EXTL3: variants seen among roughly 807,000 people sequenced by gnomAD.
EXTL3 encodes the protein exostosin like glycosyltransferase 3.
A neutral mutation model predicts 69.3 loss-of-function variants in EXTL3; 27 were observed. The observed-to-expected ratio is 0.39, with a 90% CI of 0.29 to 0.54. EXTL3 has a LOEUF of 0.54. Among genes scored for constraint, EXTL3 ranks in the 20% least tolerant of loss-of-function variants. EXTL3 has a pLI of 0.69. For missense variants in EXTL3, 1,003 were observed against 1,231.8 expected (o/e 0.81, Z 2.78); for synonymous variants, 511 against 499.4 (o/e 1.02, Z -0.31).
intron 1 of EXTL3, among the ~76,000 whole-genome samples, chr8:28,709,879 T>G (rs1439879707): frequency 2.0e-5 from 3 of 152,156 alleles, no homozygotes; most frequent in Admixed American, 6.5e-5. Context: ...TGCACAGTTC[T>G]GGATTGGAAC....
chr8:28,723,970 T>C (rs1006169099), intron 3 of EXTL3, among the ~76,000 whole-genome samples: 3 of 149,994 alleles, frequency 2.0e-5, no homozygotes, highest in Non-Finnish European at 4.4e-5. Context: ...AATAGATATG[T>C]ATTTTTTTTC....
intron 1 of EXTL3, among the ~76,000 whole-genome samples, chr8:28,712,761 C>T (rs1409066034): frequency 6.6e-6 from 1 of 152,182 alleles, no homozygotes; most frequent in Non-Finnish European, 1.5e-5. Context: ...TCTTTTGAAT[C>T]ATTGTTGAAT....
intron 1 of EXTL3, among the ~76,000 whole-genome samples, chr8:28,634,198 A>G (rs907499757): frequency 6.6e-6 from 1 of 152,162 alleles, no homozygotes; most frequent in Non-Finnish European, 1.5e-5. Context: ...GTGTTTTAGC[A>G]AAAATTCTCT....
chr8:28,729,016 C>T (rs748224189), intron 3 of EXTL3, among the ~76,000 whole-genome samples: 1 of 152,048 alleles, frequency 6.6e-6, no homozygotes, highest in Non-Finnish European at 1.5e-5. Flanking sequence ...CATTTTCAGG[C>T]CAGGTGTGGT....
chr8:28,684,473 T>C (rs1431166261), intron 1 of EXTL3, among the ~76,000 whole-genome samples: 1 of 152,188 alleles, frequency 6.6e-6, no homozygotes, highest in Non-Finnish European at 1.5e-5. Context: ...CGATGCATGA[T>C]GGCTCACCCT....
At position 28,716,094 on chromosome 8, in the gene EXTL3, C is replaced by T. The variant is rs560537560; in HGVS notation, c.35C>T (p.Ala12Val). The T allele has an allele frequency of 4.3e-6, 7 of 1,611,596 alleles. No individual in the cohort carries two copies. Among genetic ancestry groups the T allele is most frequent in the South Asian group, 2.2e-5 (2 of 91,070 alleles). Residue 12 changes from alanine to valine, a missense_variant, in exon 3 of 7, where the codon GCG (alanine) becomes GTG (valine). Ala to Val is a moderately conservative substitution (Grantham distance 64). This residue lies in a region of EXTL3 where 742 missense variants were observed against 815.4 expected (regional missense o/e 0.91). Coordinates refer to ENST00000220562, the MANE Select transcript of EXTL3 (RefSeq NM_001440.4). The surrounding 1 kb of genome is among the most constrained non-coding windows in gnomAD (Gnocchi z 7.1). ...TGYTMLRNGG[A>V]GNGGQTCMLR... Reference sequence around the variant, plus strand: ...TATACCATGCTGCGGAATGGGGGCGCGGGGAACGGAGGTCAGACCTGCATG... The same window carrying T: ...TATACCATGCTGCGGAATGGGGGCGTGGGGAACGGAGGTCAGACCTGCATG...
At chr8:28,697,411 C>T (rs1800701066), upstream of EXTL3, 1 of 152,232 alleles carries the variant, frequency 6.6e-6, no homozygotes, top group Non-Finnish European at 1.5e-5. Flanking sequence ...GCTGAAAGGA[C>T]AGTGGATGCT....
rs1807348525 is a variant in EXTL3 at position 28,674,522 on chromosome 8, G to A, written c.-52-38935G>A. Among the ~76,000 whole-genome samples, 3 of 152,230 alleles carry A rather than the reference G, an allele frequency of 2.0e-5. No individual in the cohort carries two copies. In the South Asian group the frequency reaches 6.2e-4, roughly 31 times the overall value. ...ACAAAAATGACCTAGGAACTTTTATGTGTGCCCTGAGGGAGACCTTTATTT... is the reference window on the plus strand; with the variant it reads ...ACAAAAATGACCTAGGAACTTTTATATGTGCCCTGAGGGAGACCTTTATTT... On this transcript the variant is annotated intron_variant, in intron 1 of 6. Coordinates refer to the EXTL3 transcript ENST00000523149.
chr8:28,625,748 G>A (rs760446273), intron 1 of EXTL3, among the ~76,000 whole-genome samples: 35 of 152,044 alleles, frequency 2.3e-4, no homozygotes, highest in Non-Finnish European at 4.4e-4. Context: ...ATGTCTGCTC[G>A]TAGTGCTATC....
intron 1 of EXTL3, among the ~76,000 whole-genome samples, chr8:28,625,658 A>G (rs2130550390): frequency 6.6e-6 from 1 of 152,320 alleles, no homozygotes; most frequent in East Asian, 1.9e-4. Context: ...GAAGATAAAT[A>G]GTTTAACATC....
chr8:28,720,874 A>C (rs1801279776), intron 3 of EXTL3, among the ~76,000 whole-genome samples: 1 of 152,232 alleles, frequency 6.6e-6, no homozygotes, highest in African/African-American at 2.4e-5. Flanking sequence ...AATGAAAGCC[A>C]ACTAGAGAGT....
At chr8:28,673,599 A>G (rs973382315) in intron 1 of EXTL3, among the ~76,000 whole-genome samples, 12 of 152,280 alleles carry the variant, frequency 7.9e-5, no homozygotes, top group African/African-American at 2.6e-4. Context: ...AAGGCTGGTC[A>G]TGGGACTTAC....
At chr8:28,696,625 T>C (rs1002367229), upstream of EXTL3, 11 of 151,940 alleles carry the variant, frequency 7.2e-5, no homozygotes, top group African/African-American at 2.7e-4. Flanking sequence ...AGTGGTGTGA[T>C]CTCGGCTCAC....
chr8:28,724,785 G>A (rs1801375655), intron 3 of EXTL3, among the ~76,000 whole-genome samples: 1 of 152,074 alleles, frequency 6.6e-6, no homozygotes, highest in Admixed American at 6.6e-5. Flanking sequence ...GGGTGACAGG[G>A]CAAGACTCCA....
At chr8:28,719,470 G>C (rs558065123) in intron 3 of EXTL3, among the ~76,000 whole-genome samples, 1 of 152,276 alleles carries the variant, frequency 6.6e-6, no homozygotes, top group Non-Finnish European at 1.5e-5. Flanking sequence ...ATTTCTGTTT[G>C]TGTCATAGTT....
intron 1 of EXTL3, among the ~76,000 whole-genome samples, chr8:28,641,948 G>A (rs975784507): frequency 1.2e-4 from 18 of 152,080 alleles, no homozygotes; most frequent in African/African-American, 3.9e-4. Flanking sequence ...CCATTCTCCT[G>A]CCTCAGCCTC....
Position 28,743,119 on chromosome 8 carries a change from C to G in EXTL3, c.2455C>G (p.Gln819Glu). The G allele has an allele frequency of 6.2e-7, 1 of 1,614,144 alleles. No individual in the cohort carries two copies. The highest frequency in any genetic ancestry group is 1.1e-5 in the South Asian group (1 of 91,080). Reference protein sequence around the residue: ...YAYLYSYVMPQAIRDMVDEYI... With the variant: ...YAYLYSYVMPEAIRDMVDEYI... ...CTACCTGTATTCTTATGTGATGCCC[C>G]AGGCCATCCGGGACATGGTGGATGA... is the stretch of plus-strand genomic sequence containing the variant. The change falls in exon 6 of 7, where the codon CAG becomes GAG. Residue 819 changes from glutamine to glutamate, a missense_variant. Physicochemically the swap from Gln to Glu is conservative, Grantham distance 29. Coordinates refer to ENST00000220562, the MANE Select transcript of EXTL3 (RefSeq NM_001440.4).
intron 1 of EXTL3, chr8:28,710,613 C>CTTTTTTTTT (rs11446791): frequency 2.9e-5 from 8 of 272,850 alleles, no homozygotes; most frequent in Admixed American, 5.3e-5. Context: ...TTCTTTCTTT[C>CTTTTTTTTT]TTTTTTTTTT....
At chr8:28,726,913 CTG>C (rs71222572) in intron 3 of EXTL3, among the ~76,000 whole-genome samples, 30,542 of 132,090 alleles carry the variant, frequency 0.23, 3,769 homozygotes, top group East Asian at 0.33. Context: ...GACGGAATCA[CTG>C]TTGCCCAGCG....
Sources: allele counts gnomAD v4.1 joint callset (sites outside exome capture counted in the v4.1 genomes callset), GRCh38; gene constraint gnomAD v4.1.1; regional missense constraint gnomAD v4.1.1; non-coding constraint Gnocchi (gnomAD v3.1); transcripts MANE v1.5; gene names NCBI Gene and HGNC (gene_info 2026-07-23, HGNC 2026-07-21).